SNAPC4: variants seen among roughly 807,000 people sequenced by gnomAD.
The protein encoded by SNAPC4 is snRNA-activating protein complex subunit 4.
A neutral mutation model predicts 151.3 loss-of-function variants in SNAPC4; 127 were observed. The observed-to-expected ratio is 0.84, with a 90% CI of 0.73 to 0.97. SNAPC4 has a LOEUF of 0.97. Among genes scored for constraint, SNAPC4 ranks in the 50% least tolerant of loss-of-function variants. The pLI is 0.00. For synonymous variants in SNAPC4, 1,002 were observed against 824.4 expected (o/e 1.22, Z -3.69); for missense variants, 2,186 against 1,935.0 (o/e 1.13, Z -2.43).
Position 136,377,979 on chromosome 9 carries a change from T to C in SNAPC4, c.3848A>G (p.Gln1283Arg). Reference sequence around the variant, plus strand: ...CCCCCGCTGGCCCCCCAGCCACTGCTGTGTGGCCGCCTCGCCCTCCTGGGA... The same window carrying C: ...CCCCCGCTGGCCCCCCAGCCACTGCCGTGTGGCCGCCTCGCCCTCCTGGGA... ...LLSQEGEAAT[Q>R]QWLGGQRGVR... The change falls in exon 22 of 24, where the codon CAG becomes CGG. Residue 1283 changes from glutamine (Q) to arginine (R), a missense_variant. Transcript: ENST00000684778. 1 of 1,604,196 alleles carries C rather than the reference T, an allele frequency of 6.2e-7. No individual in the cohort carries two copies. The highest frequency in any genetic ancestry group is 8.5e-7 in the Non-Finnish European group (1 of 1,175,872).
rs201820098 is a variant in SNAPC4, at chr9:136,388,438, C to A, written c.1123+6G>T. 43 of 1,611,584 alleles carry A rather than the reference C, an allele frequency of 2.7e-5. No homozygotes were observed. In the East Asian group the frequency reaches 7.4e-4, roughly 28 times the overall value. ...CCTGAGAGCCGTCGGGGTGGAGGGG[C>A]CTCACTTCTGCGGTAGGGGATGTGG... On this transcript the variant is annotated splice_donor_region_variant and intron_variant, in intron 11 of 23. Transcript: ENST00000684778.
rs1373998194 is a variant in SNAPC4 at position 136,388,449 on chromosome 9, C to A, written c.1118G>T (p.Arg373Leu). Residue 373 changes from arginine (R) to leucine (L), a missense_variant, in exon 11 of 24, where the codon CGC (arginine) becomes CTC (leucine). By Grantham distance (102) the Arg-to-Leu change is moderately radical. Transcript: ENST00000684778. ...EMRVGSHIPYRRIVYYMEGRD... is the reference protein window; with the variant it reads ...EMRVGSHIPYLRIVYYMEGRD... Reference sequence around the variant, plus strand: ...TCGGGGTGGAGGGGCCTCACTTCTGCGGTAGGGGATGTGGCTGCCGACGCG... The same window carrying A: ...TCGGGGTGGAGGGGCCTCACTTCTGAGGTAGGGGATGTGGCTGCCGACGCG... 1.2e-5 allele frequency: 20 copies of A among 1,612,880 alleles called. No homozygotes were observed. The highest frequency in any genetic ancestry group is 1.7e-5 in the Non-Finnish European group (20 of 1,179,528).
Position 136,395,419 on chromosome 9 carries a change from T to C in SNAPC4, c.350A>G (p.Glu117Gly), listed in dbSNP as rs1489251781. The change falls in exon 5 of 24, where the codon GAA becomes GGA. Residue 117 changes from glutamate (E) to glycine (G), a missense_variant. Glu to Gly is a moderately conservative substitution (Grantham distance 98). Transcript: ENST00000684778. ...GGACCCAGCCAGATCCCTCATGAGT[T>C]CCTCCTGTGACAGACACAAGGCAGG... ...LLAQNREQQE[E>G]LMRDLAGSKG... is the part of the protein sequence containing the mutation. 10 of 1,612,382 alleles carry C rather than the reference T, an allele frequency of 6.2e-6. No individual in the cohort carries two copies. Among genetic ancestry groups the C allele is most frequent in the Non-Finnish European group, 8.5e-6 (10 of 1,179,510 alleles).
chr9:136,394,124 C>T (rs1433309352), intron 7 of SNAPC4, 125 bp downstream of exon 7: 1 of 795,294 alleles, frequency 1.3e-6, no homozygotes, highest in African/African-American at 1.7e-5. Context: ...CACCATGTTG[C>T]CCAGGCTGGG....
intron 1 of SNAPC4, 28 bp from the exon 2 acceptor site, chr9:136,398,465 T>C: frequency 1.2e-6 from 2 of 1,603,034 alleles, no homozygotes; most frequent in Non-Finnish European, 1.7e-6. Flanking sequence ...CCCGAGATGT[T>C]AGAAACCAAG....
chr9:136,385,258 T>A (rs1170271191), intron 13 of SNAPC4, among the ~76,000 whole-genome samples: 10 of 152,182 alleles, frequency 6.6e-5, no homozygotes, highest in Admixed American at 2.6e-4. Context: ...CCCGCTAAGA[T>A]GGCTAGAATC....
Position 136,383,260 on chromosome 9 carries a change from G to A in SNAPC4, c.1909C>T (p.Pro637Ser). 1 of 1,609,088 alleles carries A rather than the reference G, an allele frequency of 6.2e-7. No homozygotes were observed. The highest frequency in any genetic ancestry group is 1.3e-5 in the African/African-American group (1 of 74,850). Residue 637 changes from proline (P) to serine (S), a missense_variant, in exon 16 of 24, where the codon CCT becomes TCT. Physicochemically the swap from Pro to Ser is moderately conservative, Grantham distance 74. Coordinates refer to ENST00000684778, the MANE Select transcript of SNAPC4 (RefSeq NM_003086.4). This position sits in a 1 kb window ranked among gnomAD's most constrained non-coding sequence, Gnocchi z 4.2. ...PVQVPARAHG[P>S]VPRSAQASHS... ...GAGGCCTGGGCAGACCTCGGGACAG[G>A]GCCGTGGGCCCTGGCAGGGACCTGC...
At chr9:136,398,835 A>G in intron 1 of SNAPC4, 1 of 176,294 alleles carries the variant, frequency 5.7e-6, no homozygotes, top group East Asian at 1.5e-4. Context: ...GCAAGGACAC[A>G]GCCCGTGACC....
chr9:136,395,547 TG>T, intron 4 of SNAPC4, 55 bp downstream of exon 4: 2 of 1,515,652 alleles, frequency 1.3e-6, no homozygotes, highest in East Asian at 2.4e-5. Flanking sequence ...GGCCCAGCTG[TG>T]GGGGGCTCTG....
In SNAPC4 at chr9:136,389,398, G is replaced by T. The variant is rs772087861; in HGVS notation, c.976-807C>A. ...TTGCTTTTTCTGAAAGTGAGCTGCT[G>T]GGTGGCAGAGGGCACGCAGAGCTGG... On this transcript the variant is annotated intron_variant, in intron 10 of 23. Transcript: ENST00000684778. 2.0e-4 allele frequency among the ~76,000 whole-genome samples: 30 copies of T among 152,272 alleles called. 1 individual carries two copies. Among genetic ancestry groups the T allele is most frequent in the Middle Eastern group, 6.8e-3 (2 of 294 alleles).
At chr9:136,382,211 G>A (rs367584603) in intron 17 of SNAPC4, 42 bp downstream of exon 17, 377 of 1,603,582 alleles carry the variant, frequency 2.4e-4, no homozygotes, top group Non-Finnish European at 2.7e-4. Flanking sequence ...CCAGGGCGGG[G>A]CACGTGGTGG....
At chr9:136,384,228 A>G (rs1388410998) in intron 14 of SNAPC4, among the ~76,000 whole-genome samples, 196 bp from the exon 15 acceptor site, 1 of 152,156 alleles carries the variant, frequency 6.6e-6, no homozygotes, top group Non-Finnish European at 1.5e-5. Context: ...GCCCCTTAGG[A>G]AAGTTCTGCC....
rs374705475 is a variant in SNAPC4, at chr9:136,392,617, T to C, written c.738-23A>G. On this transcript the variant is annotated intron_variant, in intron 8 of 23. Coordinates refer to ENST00000684778, the MANE Select transcript of SNAPC4 (RefSeq NM_003086.4). ...TGGCTGGTGGAAGGGATGAGGGTAT[T>C]GGCACCACGCCTGGCTTGTGGGCTC... 22 of 1,613,674 alleles carry C rather than the reference T, an allele frequency of 1.4e-5. No individual in the cohort carries two copies. In the African/African-American group the frequency reaches 2.7e-4, roughly 20 times the overall value.
chr9:136,398,059 A>G (rs914499723), intron 2 of SNAPC4, among the ~76,000 whole-genome samples: 4 of 152,122 alleles, frequency 2.6e-5, no homozygotes, highest in African/African-American at 9.7e-5. Flanking sequence ...AAGCAGCACC[A>G]GCCATCGTTT....
At chr9:136,392,625 C>T (rs368222151) in intron 8 of SNAPC4, 31 bp from the exon 9 acceptor site, 396 of 1,613,592 alleles carry the variant, frequency 2.5e-4, no homozygotes, top group Non-Finnish European at 3.2e-4. Flanking sequence ...ATTGGCACCA[C>T]GCCTGGCTTG....
At chr9:136,398,577 G>T in intron 1 of SNAPC4, 140 bp from the exon 2 acceptor site, 1 of 931,498 alleles carries the variant, frequency 1.1e-6, no homozygotes, top group Non-Finnish European at 1.6e-6. Flanking sequence ...AAGATTAATA[G>T]GCCAGGCACA....
intron 2 of SNAPC4, among the ~76,000 whole-genome samples, chr9:136,397,579 T>A (rs1476829230): frequency 1.6e-5 from 1 of 63,548 alleles, no homozygotes; most frequent in African/African-American, 6.3e-5. Flanking sequence ...GGCTGTGGGG[T>A]GGGGAGCCTA....
intron 19 of SNAPC4, 91 bp downstream of exon 19, chr9:136,381,231 C>A: frequency 9.8e-7 from 1 of 1,024,272 alleles, no homozygotes; most frequent in East Asian, 2.4e-5. Context: ...GATAGCTAGA[C>A]TTTAAGGAAT....
chr9:136,379,085 C>G lies in SNAPC4; in HGVS notation c.2742G>C (p.Pro914=). Residue 914 remains proline, a synonymous_variant, in exon 22 of 24, where the codon CCG becomes CCC. Transcript: ENST00000684778. The part of the protein sequence containing the change: ...EARAREATRG[P]VVLPSQLLVS... ...CCAGCAGCTGGGACGGGAGCACCAC[C>G]GGGCCCCGGGTGGCCTCCCTGGCAC... The G allele has an allele frequency of 6.4e-7, 1 of 1,566,114 alleles. No individual in the cohort carries two copies. Among genetic ancestry groups the G allele is most frequent in the Non-Finnish European group, 8.6e-7 (1 of 1,156,126 alleles).
Sources: allele counts gnomAD v4.1 joint callset (sites outside exome capture counted in the v4.1 genomes callset), GRCh38; gene constraint gnomAD v4.1.1; non-coding constraint Gnocchi (gnomAD v3.1); transcripts MANE v1.5; gene names NCBI Gene and HGNC (gene_info 2026-07-23, HGNC 2026-07-21).